The following ANKRD30BL variants were observed in gnomAD, a reference collection of about 807,000 sequenced individuals.
ANKRD30BL encodes the protein ankyrin repeat domain 30B like, also known as putative ankyrin repeat domain-containing protein 30B-like.
ANKRD30BL carries 20 observed loss-of-function variants against 18.4 expected under a neutral mutation model. The ratio of observed to expected loss-of-function variants is 1.09; its 90% confidence interval spans 0.77 to 1.58. The LOEUF (loss-of-function observed/expected upper bound fraction) is 1.58, where lower values mean the gene tolerates loss of function less well. Ranked by LOEUF, ANKRD30BL falls within the 40% of genes most tolerant of loss-of-function variation. The pLI is 0.00. For missense variants in ANKRD30BL, 224 were observed against 268.6 expected (o/e 0.83, Z 1.16); for synonymous variants, 72 against 100.9 (o/e 0.71, Z 1.72).
At chr2:132,167,030 T>A (rs1030168657) in intron 1 of ANKRD30BL, among the ~76,000 whole-genome samples, 1 of 151,104 alleles carries the variant, frequency 6.6e-6, no homozygotes, top group Non-Finnish European at 1.5e-5. Flanking sequence ...TTTAGTCTTC[T>A]TTTGGGATGC....
intron 1 of ANKRD30BL, among the ~76,000 whole-genome samples, chr2:132,216,784 A>C (rs370740726): frequency 6.6e-6 from 1 of 152,162 alleles, no homozygotes; most frequent in Non-Finnish European, 1.5e-5. Flanking sequence ...CATTCTCAGA[A>C]ACTTCTTTGT....
intron 1 of ANKRD30BL, among the ~76,000 whole-genome samples, chr2:132,175,617 T>C (rs184279744): frequency 4.4e-4 from 67 of 152,358 alleles, no homozygotes; most frequent in African/African-American, 1.3e-3. Flanking sequence ...GGCTTGGGGA[T>C]GGTCAGGTCT....
chr2:132,238,298 G>A (rs1464299152), intron 1 of ANKRD30BL, among the ~76,000 whole-genome samples: 7 of 151,750 alleles, frequency 4.6e-5, no homozygotes, highest in East Asian at 1.9e-4. Flanking sequence ...AAACAGGAAT[G>A]TCTTCACATA....
Position 132,222,832 on chromosome 2 carries a change from T to TAAAAAAAAAAAA in ANKRD30BL, n.441+34685_441+34696dup, listed in dbSNP as rs71001178. 5.7e-4 allele frequency among the ~76,000 whole-genome samples: 30 copies of TAAAAAAAAAAAA among 52,808 alleles called. 2 individuals are homozygous for TAAAAAAAAAAAA. The highest frequency in any genetic ancestry group is 2.0e-3 in the South Asian group (1 of 512). The allele number at this position is 52,808 out of a possible 152,430, so 34.6% of individuals were successfully genotyped here. ...GTGAGAAACAGCCAAGAATGATCAA[T>TAAAAAAAAAAAA]AAAAAAAAAAAAAAAAAAAAAAAAA... On this transcript the variant is annotated intron_variant and non_coding_transcript_variant, in intron 1 of 4. Coordinates refer to the ANKRD30BL transcript ENST00000470729.
intron 1 of ANKRD30BL, among the ~76,000 whole-genome samples, chr2:132,191,492 C>A (rs567775109): frequency 6.6e-6 from 1 of 152,086 alleles, no homozygotes; most frequent in South Asian, 2.1e-4. Context: ...CTTTATACTC[C>A]CACCTAAATA....
At chr2:132,191,569 T>C (rs1278137044) in intron 1 of ANKRD30BL, among the ~76,000 whole-genome samples, 3 of 152,150 alleles carry the variant, frequency 2.0e-5, no homozygotes, top group Admixed American at 6.6e-5. Context: ...TCCATTATAG[T>C]TTCTGTGCAG....
In ANKRD30BL at chr2:132,169,694, A is replaced by G. The variant is rs1161442212; in HGVS notation, n.442-12548T>C. Reference sequence around the variant, plus strand: ...GAGGTGAATGGTTTAGGAACTGTAGACATTTAACTCACAGATTAGAGACTG... The same window carrying G: ...GAGGTGAATGGTTTAGGAACTGTAGGCATTTAACTCACAGATTAGAGACTG... On this transcript the variant is annotated intron_variant and non_coding_transcript_variant, in intron 1 of 4. Coordinates refer to the ANKRD30BL transcript ENST00000470729. Among the ~76,000 whole-genome samples, 15 of 151,358 alleles carry G rather than the reference A, an allele frequency of 9.9e-5. No individual in the cohort carries two copies. The South Asian group carries it at 3.1e-3, about 32-fold the overall frequency.
intron 1 of ANKRD30BL, chr2:132,256,980 G>C (rs747383333): frequency 5.9e-6 from 3 of 508,720 alleles, no homozygotes; most frequent in Admixed American, 4.0e-5. Context: ...CCTCAGGCAC[G>C]GCCGGGCCAC....
chr2:132,154,687 C>G lies in ANKRD30BL; in HGVS notation c.589G>C (p.Ala197Pro). The change falls in exon 4 of 6, where the codon GCA becomes CCA. Residue 197 changes from alanine (A) to proline (P), a missense_variant. By Grantham distance (27) the Ala-to-Pro change is conservative (BLOSUM62 -1). Around this residue, in one of 3 missense-constraint regions of ANKRD30BL, gnomAD observed 63 missense variants for 62.3 expected, o/e 1.01. Transcript: ENST00000409867. ...VEFLLTKNAN[A>P]NAVDKFKCVH... ...CATTTAAACTTATCAACTGCATTTG[C>G]ATTTGCATTTTTTGTCAGTAAAAAT... The G allele has an allele frequency of 1.4e-6, 1 of 725,972 alleles. No homozygotes were observed. The highest frequency in any genetic ancestry group is 2.6e-6 in the Non-Finnish European group (1 of 388,862). 45.0% of individuals were successfully genotyped at this position (725,972 alleles called of 1,614,324 possible).
chr2:132,148,948 G>T (rs1298593359), intron 5 of ANKRD30BL, among the ~76,000 whole-genome samples: 1 of 152,116 alleles, frequency 6.6e-6, no homozygotes, highest in Non-Finnish European at 1.5e-5. Context: ...TTGTTAAGTG[G>T]ACAAGTGGAT....
intron 1 of ANKRD30BL, among the ~76,000 whole-genome samples, chr2:132,167,281 TTTTA>T (rs1161768962): frequency 5.8e-4 from 7 of 12,072 alleles, no homozygotes; most frequent in Non-Finnish European, 1.6e-3. Flanking sequence ...TTTATTTTTA[TTTTA>T]TTTTATTTTA....
At chr2:132,231,440 A>T (rs1394654677) in intron 1 of ANKRD30BL, among the ~76,000 whole-genome samples, 1 of 152,172 alleles carries the variant, frequency 6.6e-6, no homozygotes, top group East Asian at 1.9e-4. Flanking sequence ...GGTTCATCTC[A>T]CTAGGGAGTG....
intron 1 of ANKRD30BL, among the ~76,000 whole-genome samples, chr2:132,249,057 C>G (rs375986026): frequency 0.075 from 7,406 of 99,178 alleles, no homozygotes; most frequent in Non-Finnish European, 0.084. Context: ...AAACGTTTAC[C>G]TCTGTGAGAT....
chr2:132,232,101 C>G (rs1442245642), intron 1 of ANKRD30BL, among the ~76,000 whole-genome samples: 1 of 152,142 alleles, frequency 6.6e-6, no homozygotes, highest in African/African-American at 2.4e-5. Context: ...GCAGGGTATT[C>G]CAACAGACCT....
intron 1 of ANKRD30BL, among the ~76,000 whole-genome samples, chr2:132,221,231 G>A (rs1467338107): frequency 1.6e-4 from 23 of 146,368 alleles, no homozygotes; most frequent in East Asian, 6.1e-4. Context: ...CGCCCCGTCC[G>A]GGAGGTGAGG....
Position 132,192,656 on chromosome 2 carries a change from C to T in ANKRD30BL, n.442-35510G>A, listed in dbSNP as rs571324860. 6.4e-4 allele frequency among the ~76,000 whole-genome samples: 97 copies of T among 152,342 alleles called. 1 individual carries two copies. The South Asian group carries it at 8.3e-3, about 13-fold the overall frequency. ...AAGTTGAATAGCAGGTAACCCAGAT[C>T]CTCATGTCACCCACCATGTTTGCAC... On this transcript the variant is annotated intron_variant and non_coding_transcript_variant, in intron 1 of 4. Coordinates refer to the ANKRD30BL transcript ENST00000470729.
At chr2:132,164,269 CT>C (rs796313755), upstream of ANKRD30BL, among the ~76,000 whole-genome samples, 23,636 of 112,400 alleles carry the variant, frequency 0.21, 2,290 homozygotes, top group Middle Eastern at 0.36. Context: ...TTTTCTTTTT[CT>C]TTTTTTTTTT....
rs1200811588 is a variant in ANKRD30BL, at chr2:132,221,529, C to T, written n.441+36000G>A. ...AGCCCCTCTGCCTGGCCAGCCACCC[C>T]GTCCGGGAGGGAGGTGGGGGGGTCA... is the stretch of plus-strand genomic sequence containing the variant. On this transcript the variant is annotated intron_variant and non_coding_transcript_variant, in intron 1 of 4. Transcript: ENST00000470729. Among the ~76,000 whole-genome samples, 61 of 130,830 alleles carry T rather than the reference C, an allele frequency of 4.7e-4. 1 individual carries two copies. Among genetic ancestry groups the T allele is most frequent in the Admixed American group, 9.9e-4 (14 of 14,072 alleles). The allele number at this position is 130,830 out of a possible 152,430, so 85.8% of individuals were successfully genotyped here. A position where few individuals can be genotyped will look rare whatever the true frequency, so the allele number is the denominator to read the frequency against.
intron 1 of ANKRD30BL, among the ~76,000 whole-genome samples, chr2:132,212,805 G>A (rs1296508579): frequency 2.0e-5 from 3 of 150,590 alleles, no homozygotes; most frequent in African/African-American, 7.3e-5. Flanking sequence ...AAAAGGAAAT[G>A]TCCTCACATA....
Sources: allele counts gnomAD v4.1 joint callset (sites outside exome capture counted in the v4.1 genomes callset), GRCh38; gene constraint gnomAD v4.1.1; regional missense constraint gnomAD v4.1.1; transcripts MANE v1.5; gene names NCBI Gene and HGNC (gene_info 2026-07-23, HGNC 2026-07-21).